The following MAGI2 variants were observed in gnomAD, a reference collection of about 807,000 sequenced individuals.
MAGI2 encodes the protein membrane-associated guanylate kinase, WW and PDZ domain-containing protein 2.
In MAGI2, 35 loss-of-function variants were observed where a neutral mutation model predicts 133.3. The ratio of observed to expected loss-of-function variants is 0.26; its 90% CI spans 0.20 to 0.35. MAGI2 has a LOEUF of 0.35. MAGI2 is among the 10% of genes least tolerant of loss of function. The pLI is 1.00. For synonymous variants in MAGI2, 729 were observed against 710.6 expected (o/e 1.03, Z -0.41); for missense variants, 1,636 against 1,863.4 (o/e 0.88, Z 2.25).
At chr7:79,339,933 G>C (rs774664338) in intron 1 of MAGI2, among the ~76,000 whole-genome samples, 1 of 151,990 alleles carries the variant, frequency 6.6e-6, no homozygotes, top group Admixed American at 6.6e-5. Context: ...TAAAAGATGC[G>C]TTTCGTATCA....
At chr7:78,267,044 G>A (rs1794091170) in intron 9 of MAGI2, among the ~76,000 whole-genome samples, 1 of 152,242 alleles carries the variant, frequency 6.6e-6, no homozygotes, top group East Asian at 1.9e-4. Context: ...TCGGAGAAGT[G>A]CTCAACCCTA....
intron 1 of MAGI2, among the ~76,000 whole-genome samples, chr7:79,200,155 T>G (rs1828462868): frequency 6.6e-6 from 1 of 151,966 alleles, no homozygotes; most frequent in African/African-American, 2.4e-5. Flanking sequence ...TGGTTTATAG[T>G]TCCAGCTCTA....
Position 79,335,096 on chromosome 7 carries a change from A to G in MAGI2, c.301+117924T>C, listed in dbSNP as rs957652997. 2.6e-5 allele frequency among the ~76,000 whole-genome samples: 4 copies of G among 152,268 alleles called. No homozygotes were observed. In the East Asian group the frequency reaches 5.8e-4, roughly 22 times the overall value. ...TTTGTAAAAGAACAACATAAATATA[A>G]ATGTAAATTCTAAGAGTCACTTTTA... On this transcript the variant is annotated intron_variant, in intron 1 of 21. Transcript: ENST00000354212.
chr7:78,510,264 G>T (rs1030015), intron 4 of MAGI2, among the ~76,000 whole-genome samples: 88,470 of 151,998 alleles, frequency 0.58, 26,911 homozygotes, highest in African/African-American at 0.77. Context: ...TAAAGTGGGA[G>T]GTTGAACAAG....
At chr7:79,246,743 A>G (rs1766851280) in intron 1 of MAGI2, among the ~76,000 whole-genome samples, 1 of 152,186 alleles carries the variant, frequency 6.6e-6, no homozygotes, top group Non-Finnish European at 1.5e-5. Flanking sequence ...TGTTCAACGG[A>G]ATAATAATAC....
chr7:78,552,948 C>T (rs1463944974), intron 3 of MAGI2, among the ~76,000 whole-genome samples: 1 of 152,024 alleles, frequency 6.6e-6, no homozygotes, highest in Admixed American at 6.6e-5. Context: ...TCAGTGAGCT[C>T]CAGGCAATTG....
At chr7:78,602,943 TA>T (rs1805366320) in intron 3 of MAGI2, among the ~76,000 whole-genome samples, 1 of 152,168 alleles carries the variant, frequency 6.6e-6, no homozygotes, top group African/African-American at 2.4e-5. Context: ...ATTGACTAAA[TA>T]AGAATTACAA....
At chr7:78,448,674 C>T (rs1788403664) in intron 6 of MAGI2, among the ~76,000 whole-genome samples, 1 of 152,004 alleles carries the variant, frequency 6.6e-6, no homozygotes, top group Non-Finnish European at 1.5e-5. Context: ...CAAAATGAGA[C>T]CTTCTCATGT....
At chr7:78,685,908 A>T (rs993596880) in intron 2 of MAGI2, among the ~76,000 whole-genome samples, 2 of 152,016 alleles carry the variant, frequency 1.3e-5, no homozygotes, top group African/African-American at 4.8e-5. Flanking sequence ...TTACGTTCAA[A>T]AAATTTCTCA....
At chr7:78,450,337 C>T (rs987462166) in intron 6 of MAGI2, among the ~76,000 whole-genome samples, 1 of 151,894 alleles carries the variant, frequency 6.6e-6, no homozygotes, top group African/African-American at 2.4e-5. Context: ...CTTCACACAC[C>T]CTCAGGGCAG....
At chr7:78,835,354 A>C (rs890909822) in intron 2 of MAGI2, among the ~76,000 whole-genome samples, 1 of 152,190 alleles carries the variant, frequency 6.6e-6, no homozygotes, top group Non-Finnish European at 1.5e-5. Flanking sequence ...ATTCTATAAG[A>C]GCAGTTAATC....
intron 6 of MAGI2, among the ~76,000 whole-genome samples, chr7:78,447,973 T>TA (rs931746917): frequency 3.9e-5 from 6 of 152,176 alleles, no homozygotes; most frequent in African/African-American, 1.4e-4. Context: ...TCTGCTTTTA[T>TA]AAGATCAACT....
intron 3 of MAGI2, among the ~76,000 whole-genome samples, chr7:78,530,737 C>CT (rs5885073): frequency 4.6e-4 from 68 of 149,216 alleles, no homozygotes; most frequent in South Asian, 1.3e-3. Context: ...TTCCAATTTT[C>CT]TTTTTTTTTT....
intron 2 of MAGI2, among the ~76,000 whole-genome samples, chr7:78,729,463 G>A (rs554464794): frequency 1.3e-4 from 20 of 152,262 alleles, no homozygotes; most frequent in African/African-American, 4.3e-4. Context: ...GCACACCTTG[G>A]CAATGCCCAC....
intron 1 of MAGI2, among the ~76,000 whole-genome samples, chr7:79,332,054 C>G (rs1840120104): frequency 6.6e-6 from 1 of 152,024 alleles, no homozygotes; most frequent in Non-Finnish European, 1.5e-5. Flanking sequence ...CTGCATTAAA[C>G]CTTTAACACA....
At position 78,798,968 on chromosome 7, in the gene MAGI2, T is replaced by C. The variant is rs557986623; in HGVS notation, c.419-171729A>G. Among the ~76,000 whole-genome samples, 5 of 152,294 alleles carry C rather than the reference T, an allele frequency of 3.3e-5. No individual in the cohort carries two copies. In the East Asian group the frequency reaches 5.8e-4, roughly 18 times the overall value. ...CAAGAAGATCAAGAAAGAAAAGACATAAATGATGCTATTACAACAGGAATT... is the reference window on the plus strand; with the variant it reads ...CAAGAAGATCAAGAAAGAAAAGACACAAATGATGCTATTACAACAGGAATT... On this transcript the variant is annotated intron_variant, in intron 2 of 21. Coordinates refer to ENST00000354212, the MANE Select transcript of MAGI2 (RefSeq NM_012301.4).
chr7:78,073,937 G>A (rs1311322107), intron 21 of MAGI2, among the ~76,000 whole-genome samples: 3 of 152,242 alleles, frequency 2.0e-5, no homozygotes, highest in African/African-American at 4.8e-5. Flanking sequence ...GGGAACTCAC[G>A]CTTCCCACTG....
chr7:79,106,002 TTA>T (rs1333158827), intron 1 of MAGI2, among the ~76,000 whole-genome samples: 6 of 152,166 alleles, frequency 3.9e-5, no homozygotes, highest in African/African-American at 9.7e-5. Context: ...ACTTTTAGCA[TTA>T]TAACAAAAAC....
At chr7:78,377,996 T>C (rs941521796) in intron 6 of MAGI2, among the ~76,000 whole-genome samples, 18 of 152,032 alleles carry the variant, frequency 1.2e-4, no homozygotes, top group African/African-American at 4.3e-4. Context: ...AACAAATACT[T>C]ATAAATAAAA....
Sources: gnomAD v4.1 joint callset for allele counts (sites outside exome capture counted in the v4.1 genomes callset) on GRCh38, gnomAD v4.1.1 for gene constraint, MANE v1.5 for transcripts, NCBI Gene and HGNC (gene_info 2026-07-23, HGNC 2026-07-21) for gene names.